The following COL25A1 variants were observed in gnomAD, a reference collection of about 807,000 sequenced individuals.
COL25A1 encodes collagen type XXV alpha 1 chain, also known as collagen alpha-1(XXV) chain.
In COL25A1, 103 loss-of-function variants were observed where a neutral mutation model predicts 128.4. That is an observed-to-expected ratio of 0.80 (90% CI 0.68 to 0.94). The LOEUF (loss-of-function observed/expected upper bound fraction) is 0.94, where lower values mean the gene tolerates loss of function less well. Ranked by LOEUF, COL25A1 falls within the 40% of genes least tolerant of loss-of-function variation. The pLI, the probability that COL25A1 is intolerant of heterozygous loss-of-function variation, is 0.00. For synonymous variants in COL25A1, 279 were observed against 277.2 expected, an observed-to-expected ratio of 1.01 and a Z score of -0.06; for missense variants, 745 against 840.0, an observed-to-expected ratio of 0.89 and a Z score of 1.40.
At chr4:108,841,652 C>T (rs1204791000) in intron 31 of COL25A1, 43 bp downstream of exon 31, 1 of 1,535,140 alleles carries the variant, frequency 6.5e-7, no homozygotes, top group Non-Finnish European at 9.0e-7. Flanking sequence ...CCATGATTAT[C>T]AAGGAAGCAG....
intron 3 of COL25A1, among the ~76,000 whole-genome samples, chr4:109,294,956 T>C (rs1724832766): frequency 2.0e-5 from 3 of 152,036 alleles, no homozygotes; most frequent in African/African-American, 7.2e-5. Flanking sequence ...AGCCTGACAT[T>C]CAGATACTAT....
chr4:109,299,121 T>A (rs1725264781), intron 3 of COL25A1, among the ~76,000 whole-genome samples: 1 of 152,202 alleles, frequency 6.6e-6, no homozygotes, highest in Non-Finnish European at 1.5e-5. Context: ...ATTCTATTAA[T>A]TAAGCACTAG....
chr4:108,916,375 C>T (rs1027294419), intron 13 of COL25A1, among the ~76,000 whole-genome samples: 2 of 152,154 alleles, frequency 1.3e-5, no homozygotes, highest in Non-Finnish European at 2.9e-5. Flanking sequence ...GAAAATGTCA[C>T]ATTCCTTTCT....
In COL25A1 at chr4:108,809,714, T is replaced by C. The variant is rs1165873730; in HGVS notation, c.*4213A>G. The C allele has an allele frequency of 1.3e-5, 2 of 152,076 alleles. No individual in the cohort carries two copies. Among genetic ancestry groups the C allele is most frequent in the Non-Finnish European group, 2.9e-5 (2 of 67,912 alleles). 9.4% of individuals were successfully genotyped at this position (152,076 alleles called of 1,614,324 possible). Reference sequence around the variant, plus strand: ...GTGTCTCTGCTGTGTCAATTTTATATTGGCAACAAATCTAGCCAATATAAA... The same window carrying C: ...GTGTCTCTGCTGTGTCAATTTTATACTGGCAACAAATCTAGCCAATATAAA... On this transcript the variant is annotated 3_prime_UTR_variant, in exon 38 of 38. Coordinates refer to ENST00000399132, the MANE Select transcript of COL25A1 (RefSeq NM_198721.4).
intron 6 of COL25A1, among the ~76,000 whole-genome samples, chr4:108,988,305 G>A (rs181844355): frequency 6.6e-6 from 1 of 152,152 alleles, no homozygotes; most frequent in Non-Finnish European, 1.5e-5. Context: ...TGCAACAAAG[G>A]CCTTTAACAA....
chr4:109,184,626 T>C (rs1774974674), intron 3 of COL25A1, among the ~76,000 whole-genome samples: 1 of 152,020 alleles, frequency 6.6e-6, no homozygotes. Context: ...TTAATCAGAG[T>C]TCTATTTTCT....
At chr4:109,086,010 C>T (rs756426625) in intron 3 of COL25A1, among the ~76,000 whole-genome samples, 5 of 152,198 alleles carry the variant, frequency 3.3e-5, no homozygotes, top group Non-Finnish European at 5.9e-5. Context: ...CAGGAGGACA[C>T]TTCCCCTGAA....
chr4:109,138,939 C>A (rs1312677889), intron 3 of COL25A1, among the ~76,000 whole-genome samples: 1 of 152,088 alleles, frequency 6.6e-6, no homozygotes, highest in Non-Finnish European at 1.5e-5. Context: ...GATCTCCTGA[C>A]CTTGTGATCC....
At chr4:109,234,280 T>G (rs1294482773) in intron 3 of COL25A1, among the ~76,000 whole-genome samples, 1 of 152,152 alleles carries the variant, frequency 6.6e-6, no homozygotes, top group Non-Finnish European at 1.5e-5. Flanking sequence ...ACTGTTTTTC[T>G]CCTTCAAGAC....
intron 3 of COL25A1, among the ~76,000 whole-genome samples, chr4:109,115,522 G>A (rs1007181062): frequency 1.3e-5 from 2 of 151,940 alleles, no homozygotes; most frequent in Non-Finnish European, 2.9e-5. Context: ...TGAACTAAGG[G>A]GATGGTCACA....
At chr4:108,961,737 G>A (rs1237276269) in intron 8 of COL25A1, among the ~76,000 whole-genome samples, 1 of 152,034 alleles carries the variant, frequency 6.6e-6, no homozygotes, top group Admixed American at 6.6e-5. Context: ...AGCAGTCCCG[G>A]AAATATAACA....
At chr4:109,263,203 T>C (rs372870924) in intron 3 of COL25A1, among the ~76,000 whole-genome samples, 1 of 152,168 alleles carries the variant, frequency 6.6e-6, no homozygotes, top group South Asian at 2.1e-4. Flanking sequence ...AATTACGAAG[T>C]CTTTTACAAT....
At chr4:109,149,328 A>C (rs1771245953) in intron 3 of COL25A1, among the ~76,000 whole-genome samples, 1 of 152,176 alleles carries the variant, frequency 6.6e-6, no homozygotes, top group Non-Finnish European at 1.5e-5. Flanking sequence ...AATAACATTA[A>C]ATTTTAGCAA....
intron 3 of COL25A1, among the ~76,000 whole-genome samples, chr4:109,126,986 T>A (rs1212445172): frequency 1.3e-5 from 2 of 152,074 alleles, no homozygotes; most frequent in African/African-American, 4.8e-5. Flanking sequence ...CTAACTTATG[T>A]TTTTCATTCA....
chr4:108,946,333 T>C (rs1394317853), intron 8 of COL25A1, among the ~76,000 whole-genome samples: 1 of 152,188 alleles, frequency 6.6e-6, no homozygotes, highest in African/African-American at 2.4e-5. Context: ...TAATAATGAG[T>C]GTTATAAGAT....
intron 8 of COL25A1, among the ~76,000 whole-genome samples, chr4:108,960,976 T>C (rs150291057): frequency 1.6e-4 from 25 of 152,140 alleles, no homozygotes; most frequent in Admixed American, 8.5e-4. Flanking sequence ...TTCTCTTTAA[T>C]CCTGAAATGC....
intron 3 of COL25A1, among the ~76,000 whole-genome samples, chr4:109,126,262 C>T (rs371868478): frequency 7.6e-4 from 116 of 152,178 alleles, no homozygotes; most frequent in African/African-American, 2.8e-3. Flanking sequence ...ACGTAGTCAT[C>T]AGAGATTATT....
chr4:109,065,756 GA>G (rs1762398160), intron 3 of COL25A1, among the ~76,000 whole-genome samples: 1 of 152,068 alleles, frequency 6.6e-6, no homozygotes, highest in Non-Finnish European at 1.5e-5. Context: ...CCAGTCTAAT[GA>G]CTATCTCTGG....
intron 3 of COL25A1, among the ~76,000 whole-genome samples, chr4:109,154,651 C>T (rs751228379): frequency 6.6e-6 from 1 of 152,068 alleles, no homozygotes; most frequent in South Asian, 2.1e-4. Flanking sequence ...CCGCCTAACA[C>T]GAGTGAGTCA....
Sources: gnomAD v4.1 joint callset for allele counts (sites outside exome capture counted in the v4.1 genomes callset) on GRCh38, gnomAD v4.1.1 for gene constraint, MANE v1.5 for transcripts, NCBI Gene and HGNC (gene_info 2026-07-23, HGNC 2026-07-21) for gene names.